Variants in CCDC152 observed in about 807,000 individuals in gnomAD.
The protein encoded by CCDC152 is coiled-coil domain-containing protein 152.
CCDC152 carries 37 observed loss-of-function variants against 38.1 expected under a neutral mutation model. The ratio of observed to expected loss-of-function variants is 0.97; its 90% confidence interval spans 0.75 to 1.28. The LOEUF is 1.28. Among genes scored for constraint, CCDC152 ranks in the 50% most tolerant of loss-of-function variants. CCDC152 has a pLI of 0.00. For missense variants in CCDC152, 259 were observed against 292.1 expected, an observed-to-expected ratio of 0.89 and a Z score of 0.83; for synonymous variants, 83 against 87.1, an observed-to-expected ratio of 0.95 and a Z score of 0.26.
intron 4 of CCDC152, among the ~76,000 whole-genome samples, chr5:42,771,332 C>T (rs13170777): frequency 9.4e-4 from 142 of 151,630 alleles, no homozygotes; most frequent in Non-Finnish European, 1.5e-3. Context: ...TATATATATC[C>T]AATAAGTAAT....
chr5:42,756,975 A>T (rs1204397563), intron 1 of CCDC152, 90 bp downstream of exon 1: 1 of 152,678 alleles, frequency 6.5e-6, no homozygotes, highest in African/African-American at 2.4e-5. Context: ...CTCTGGGTCC[A>T]TTACAGGCTT....
At chr5:42,781,699 C>T (rs1759849030) in intron 5 of CCDC152, among the ~76,000 whole-genome samples, 1 of 151,960 alleles carries the variant, frequency 6.6e-6, no homozygotes, top group Admixed American at 6.6e-5. Context: ...ATTGGCACTC[C>T]CATTCATTCA....
intron 5 of CCDC152, among the ~76,000 whole-genome samples, chr5:42,783,023 C>G (rs1315050404): frequency 2.0e-5 from 3 of 151,902 alleles, no homozygotes; most frequent in Non-Finnish European, 4.4e-5. Flanking sequence ...GTGCCCACCA[C>G]CACGCCCAGC....
intron 4 of CCDC152, among the ~76,000 whole-genome samples, chr5:42,776,441 C>G (rs1759769427): frequency 6.6e-6 from 1 of 152,022 alleles, no homozygotes; most frequent in Admixed American, 6.6e-5. Context: ...ATATGTGAGT[C>G]AAAGATTTAT....
chr5:42,778,875 A>T (rs2111562002), intron 4 of CCDC152, among the ~76,000 whole-genome samples: 1 of 152,264 alleles, frequency 6.6e-6, no homozygotes, highest in Middle Eastern at 3.4e-3. Context: ...GACTCCCTGT[A>T]ACCTCTAAAA....
At chr5:42,767,243 T>C (rs768773468) in intron 3 of CCDC152, among the ~76,000 whole-genome samples, 196 of 152,092 alleles carry the variant, frequency 1.3e-3, no homozygotes, top group Non-Finnish European at 3.2e-4. Flanking sequence ...GAATGATATA[T>C]GGACATTTTA....
intron 6 of CCDC152, among the ~76,000 whole-genome samples, chr5:42,789,761 T>C (rs1032730792): frequency 3.3e-5 from 5 of 152,240 alleles, no homozygotes; most frequent in Non-Finnish European, 7.4e-5. Flanking sequence ...GGTTAATCGG[T>C]TTTATATGGT....
chr5:42,773,087 C>G (rs1334194941), intron 4 of CCDC152, among the ~76,000 whole-genome samples: 1 of 152,076 alleles, frequency 6.6e-6, no homozygotes, highest in Non-Finnish European at 1.5e-5. Flanking sequence ...TTTCTTGTTT[C>G]TAGTCTAAAA....
intron 3 of CCDC152, among the ~76,000 whole-genome samples, chr5:42,768,913 T>C (rs1047334727): frequency 1.3e-5 from 2 of 152,166 alleles, no homozygotes; most frequent in African/African-American, 4.8e-5. Flanking sequence ...AGGAAAGTCA[T>C]TACCAAGTTT....
intron 6 of CCDC152, among the ~76,000 whole-genome samples, chr5:42,793,196 C>T (rs1188552689): frequency 2.0e-5 from 3 of 152,132 alleles, no homozygotes; most frequent in African/African-American, 7.2e-5. Context: ...CACAAAAGTC[C>T]ACATACTATA....
intron 5 of CCDC152, 48 bp from the exon 6 acceptor site, chr5:42,783,426 T>C: frequency 1.4e-6 from 1 of 727,694 alleles, no homozygotes. Context: ...TCAGAAGTTA[T>C]ATACACATAT....
At chr5:42,762,420 T>C in intron 2 of CCDC152, 23 bp from the exon 3 acceptor site, 1 of 1,205,128 alleles carries the variant, frequency 8.3e-7, no homozygotes, top group Non-Finnish European at 1.2e-6. Context: ...TTGTTAATAA[T>C]AAGTATTCTA....
Position 42,801,432 on chromosome 5 carries a change from A to C in CCDC152, c.*1651A>C. Reference sequence around the variant, plus strand: ...CTAACATGTGAAATTCCAACTAGTTAATTAGAATCGAGCTGGCTTTGTATT... The same window carrying C: ...CTAACATGTGAAATTCCAACTAGTTCATTAGAATCGAGCTGGCTTTGTATT... On this transcript the variant is annotated 3_prime_UTR_variant, in exon 9 of 9. Coordinates refer to ENST00000361970, the MANE Select transcript of CCDC152 (RefSeq NM_001134848.2). 2 of 870,630 alleles carry C rather than the reference A, an allele frequency of 2.3e-6. No individual in the cohort carries two copies. The highest frequency in any genetic ancestry group is 3.5e-6 in the Non-Finnish European group (2 of 568,518). 53.9% of individuals were successfully genotyped at this position (870,630 alleles called of 1,614,324 possible). A position where few individuals can be genotyped will look rare whatever the true frequency, so the allele number is the denominator to read the frequency against.
At chr5:42,760,924 T>C (rs1759543813) in intron 2 of CCDC152, among the ~76,000 whole-genome samples, 2 of 152,204 alleles carry the variant, frequency 1.3e-5, no homozygotes, top group African/African-American at 4.8e-5. Context: ...CTTAAACACT[T>C]TAAATAAGAA....
At chr5:42,791,009 T>C (rs1162264435) in intron 6 of CCDC152, among the ~76,000 whole-genome samples, 1 of 152,156 alleles carries the variant, frequency 6.6e-6, no homozygotes, top group East Asian at 1.9e-4. Flanking sequence ...CTTGTTGGCC[T>C]CTCTTCCTAA....
At chr5:42,779,839 C>A (rs114089165) in intron 5 of CCDC152, among the ~76,000 whole-genome samples, 131 of 151,916 alleles carry the variant, frequency 8.6e-4, no homozygotes, top group African/African-American at 3.0e-3. Flanking sequence ...AGAGGTTTTA[C>A]TCTAGTAAAC....
Position 42,796,977 on chromosome 5 carries a change from T to A in CCDC152, c.558+21T>A, listed in dbSNP as rs976505919. The A allele has an allele frequency of 2.2e-5, 33 of 1,475,282 alleles. No individual in the cohort carries two copies. The African/African-American group carries it at 4.5e-4, about 20-fold the overall frequency. The allele number at this position is 1,475,282 out of a possible 1,614,324, so 91.4% of individuals were successfully genotyped here. ...TAGAAGTAAGTGTTTAAGAGTCTGC[T>A]AAACTTGAGGACACATCCCTTAGTC... On this transcript the variant is annotated intron_variant, in intron 7 of 8. Coordinates refer to ENST00000361970, the MANE Select transcript of CCDC152 (RefSeq NM_001134848.2).
intron 3 of CCDC152, among the ~76,000 whole-genome samples, chr5:42,762,917 A>G (rs973301988): frequency 4.6e-5 from 7 of 152,138 alleles, no homozygotes; most frequent in Non-Finnish European, 7.4e-5. Context: ...AAATGTGTCA[A>G]AAAAATTGTG....
intron 3 of CCDC152, among the ~76,000 whole-genome samples, chr5:42,767,275 CAGAT>C (rs1051478873): frequency 3.7e-4 from 56 of 151,954 alleles, no homozygotes; most frequent in Admixed American, 6.6e-4. Context: ...TGATGCCAGA[CAGAT>C]AAATAATTTA....
Sources: gnomAD v4.1 joint callset for allele counts (sites outside exome capture counted in the v4.1 genomes callset) on GRCh38, gnomAD v4.1.1 for gene constraint, MANE v1.5 for transcripts, NCBI Gene and HGNC (gene_info 2026-07-23, HGNC 2026-07-21) for gene names.